Variants in SLC2A13 observed in about 807,000 individuals in gnomAD.
The protein encoded by SLC2A13 is proton myo-inositol cotransporter.
SLC2A13 carries 32 observed loss-of-function variants against 64.4 expected under a neutral mutation model. That is an observed-to-expected ratio of 0.50 (90% CI 0.37 to 0.67). The LOEUF is 0.67. Ranked by LOEUF, SLC2A13 falls within the 30% of genes least tolerant of loss-of-function variation. The pLI is 0.00. For missense variants in SLC2A13, 743 were observed against 829.2 expected, an observed-to-expected ratio of 0.90 and a Z score of 1.28; for synonymous variants, 338 against 327.1, an observed-to-expected ratio of 1.03 and a Z score of -0.36.
At chr12:39,991,806 T>TAA (rs1555148275) in intron 3 of SLC2A13, among the ~76,000 whole-genome samples, 2,627 of 151,834 alleles carry the variant, frequency 0.017, 24 homozygotes, top group African/African-American at 0.024. Flanking sequence ...ACTATCTTTT[T>TAA]AAAAAAAAAT....
rs74438760 is a variant in SLC2A13 at position 39,937,651 on chromosome 12, T to A, written c.1034+13606A>T. On this transcript the variant is annotated intron_variant, in intron 4 of 9. Transcript: ENST00000280871. Reference sequence around the variant, plus strand: ...GTCCTGAGGCACCTGAAACCTTAGTTGCTGATACTTTACAAACCATGGAGA... The same window carrying A: ...GTCCTGAGGCACCTGAAACCTTAGTAGCTGATACTTTACAAACCATGGAGA... 1.8e-3 allele frequency among the ~76,000 whole-genome samples: 281 copies of A among 152,332 alleles called. 2 individuals are homozygous for A. Among genetic ancestry groups the A allele is most frequent in the African/African-American group, 6.2e-3 (258 of 41,586 alleles).
intron 1 of SLC2A13, among the ~76,000 whole-genome samples, chr12:40,065,795 T>G (rs746193237): frequency 6.6e-6 from 1 of 152,226 alleles, no homozygotes; most frequent in Non-Finnish European, 1.5e-5. Flanking sequence ...AATAATTTCT[T>G]AAATACCTAC....
intron 3 of SLC2A13, among the ~76,000 whole-genome samples, chr12:39,990,846 A>T (rs1202919105): frequency 6.6e-6 from 1 of 152,172 alleles, no homozygotes; most frequent in Non-Finnish European, 1.5e-5. Context: ...TCAAACCTCC[A>T]AACTCACACA....
intron 1 of SLC2A13, among the ~76,000 whole-genome samples, chr12:40,060,709 G>A (rs1423729368): frequency 6.6e-6 from 1 of 152,064 alleles, no homozygotes; most frequent in South Asian, 2.1e-4. Flanking sequence ...ACAGAAAAAA[G>A]TATCTTTCAA....
intron 4 of SLC2A13, among the ~76,000 whole-genome samples, chr12:39,896,236 GTATA>G (rs1282859926): frequency 4.0e-5 from 4 of 99,480 alleles, no homozygotes; most frequent in African/African-American, 1.1e-4. Flanking sequence ...ATGCATATGT[GTATA>G]TATGTATACA....
chr12:39,783,420 G>A (rs1941070513), intron 7 of SLC2A13, among the ~76,000 whole-genome samples: 1 of 152,164 alleles, frequency 6.6e-6, no homozygotes, highest in Non-Finnish European at 1.5e-5. Flanking sequence ...GGTATTTCTA[G>A]TTCTGGATCC....
intron 4 of SLC2A13, among the ~76,000 whole-genome samples, chr12:39,927,973 A>C (rs984263318): frequency 2.0e-5 from 3 of 152,342 alleles, no homozygotes; most frequent in Non-Finnish European, 2.9e-5. Context: ...AGTATAAATT[A>C]AATTATCTAT....
chr12:39,890,352 C>A (rs1275043222), intron 4 of SLC2A13, among the ~76,000 whole-genome samples: 1 of 152,108 alleles, frequency 6.6e-6, no homozygotes, highest in Non-Finnish European at 1.5e-5. Context: ...AGCAGAATAT[C>A]TATCCTCAAA....
intron 2 of SLC2A13, among the ~76,000 whole-genome samples, chr12:40,036,401 T>C (rs1034235751): frequency 6.6e-6 from 1 of 152,184 alleles, no homozygotes; most frequent in African/African-American, 2.4e-5. Flanking sequence ...TGCACACCCT[T>C]GTAAACACTA....
At chr12:39,994,848 A>G (rs758535195) in intron 3 of SLC2A13, among the ~76,000 whole-genome samples, 44 of 152,226 alleles carry the variant, frequency 2.9e-4, no homozygotes, top group Non-Finnish European at 2.8e-4. Flanking sequence ...GCAAGCAACA[A>G]CAAATAGCAC....
chr12:39,851,720 CAGCTGCT>C (rs1943475737), intron 6 of SLC2A13, among the ~76,000 whole-genome samples: 2 of 152,194 alleles, frequency 1.3e-5, no homozygotes, highest in African/African-American at 4.8e-5. Context: ...TTTGTATTAT[CAGCTGCT>C]TAGCAATATG....
chr12:40,102,407 T>C (rs1423220417), intron 1 of SLC2A13, among the ~76,000 whole-genome samples: 1 of 152,228 alleles, frequency 6.6e-6, no homozygotes, highest in Non-Finnish European at 1.5e-5. Context: ...CTTAAAGTGC[T>C]ACCCGACCAG....
At chr12:39,891,844 C>A (rs1375806648) in intron 4 of SLC2A13, among the ~76,000 whole-genome samples, 1 of 152,124 alleles carries the variant, frequency 6.6e-6, no homozygotes, top group Non-Finnish European at 1.5e-5. Context: ...GAACATCTAT[C>A]TTTACTGTGA....
intron 6 of SLC2A13, among the ~76,000 whole-genome samples, chr12:39,858,162 A>G (rs1048760997): frequency 2.0e-5 from 3 of 152,242 alleles, no homozygotes; most frequent in African/African-American, 7.2e-5. Context: ...CAGGTGTCAA[A>G]TTCAGCACAC....
intron 7 of SLC2A13, among the ~76,000 whole-genome samples, chr12:39,774,610 A>ATTTTTTTTTTTTTTTTTTT (rs1592124435): frequency 7.1e-6 from 1 of 140,638 alleles, no homozygotes; most frequent in African/African-American, 2.6e-5. Flanking sequence ...TGGTTTTGTA[A>ATTTTTTTTTTTTTTTTTTT]TTTTCCTGCA....
At chr12:39,878,833 T>C (rs566740037) in intron 4 of SLC2A13, among the ~76,000 whole-genome samples, 3 of 152,340 alleles carry the variant, frequency 2.0e-5, no homozygotes, top group Non-Finnish European at 2.9e-5. Context: ...CAGGTGCTAA[T>C]AGCCAAGACT....
At chr12:39,896,352 G>GTATGTGTA (rs1565528103) in intron 4 of SLC2A13, among the ~76,000 whole-genome samples, 1 of 90,904 alleles carries the variant, frequency 1.1e-5, no homozygotes, top group Admixed American at 1.1e-4. Context: ...ATATATGTAT[G>GTATGTGTA]TATATGTGTA....
chr12:39,859,422 C>T (rs558742244), intron 6 of SLC2A13, among the ~76,000 whole-genome samples: 47 of 145,160 alleles, frequency 3.2e-4, no homozygotes, highest in South Asian at 2.7e-3. Context: ...TTCAAAACAA[C>T]ATGCCACTGT....
At chr12:40,064,060 C>T (rs1948469472) in intron 1 of SLC2A13, among the ~76,000 whole-genome samples, 1 of 151,974 alleles carries the variant, frequency 6.6e-6, no homozygotes. Context: ...CTGGGCAACA[C>T]AGTAAGAACC....
Sources: gnomAD v4.1 joint callset for allele counts (sites outside exome capture counted in the v4.1 genomes callset) on GRCh38, gnomAD v4.1.1 for gene constraint, MANE v1.5 for transcripts, NCBI Gene and HGNC (gene_info 2026-07-23, HGNC 2026-07-21) for gene names.